ERC1: variants seen among roughly 807,000 people sequenced by gnomAD.
ERC1 encodes RAB6 interacting protein 2.
Under a neutral mutation model 132.0 loss-of-function variants are expected in ERC1, and 56 were observed. The ratio of observed to expected loss-of-function variants is 0.42; its 90% CI spans 0.34 to 0.53. The LOEUF is 0.53. ERC1 is among the 20% of genes least tolerant of loss of function. The probability of loss-of-function intolerance (pLI) is 0.03; values close to 1 mark genes in which losing one functional copy is unlikely to be tolerated. For synonymous variants in ERC1, 478 were observed against 476.1 expected (o/e 1.00, Z -0.05); for missense variants, 1,202 against 1,349.9 (o/e 0.89, Z 1.72).
At chr12:1,388,099 C>T (rs993171815) in intron 16 of ERC1, among the ~76,000 whole-genome samples, 3 of 152,190 alleles carry the variant, frequency 2.0e-5, no homozygotes, top group Admixed American at 6.5e-5. Flanking sequence ...TGGTGGCTCA[C>T]GCTTGTAATC....
intron 15 of ERC1, among the ~76,000 whole-genome samples, chr12:1,357,482 A>G (rs1380931716): frequency 6.6e-6 from 1 of 152,196 alleles, no homozygotes; most frequent in African/African-American, 2.4e-5. Flanking sequence ...CTAAATAAGC[A>G]GAAGCATTCT....
intron 1 of ERC1, among the ~76,000 whole-genome samples, chr12:1,007,534 C>CTG (rs1462934116): frequency 2.9e-5 from 2 of 68,532 alleles, no homozygotes; most frequent in African/African-American, 1.2e-4. Flanking sequence ...CTCTCTCTCT[C>CTG]TCTCTCTGTG....
chr12:1,189,897 G>C lies in ERC1; in HGVS notation c.2196G>C (p.Glu732Asp). 6.2e-7 allele frequency: 1 copy of C among 1,613,790 alleles called. No homozygotes were observed. Among genetic ancestry groups the C allele is most frequent in the South Asian group, 1.1e-5 (1 of 91,014 alleles). Residue 732 changes from glutamate (E) to aspartate (D), a missense_variant, in exon 12 of 19, where the codon GAG becomes GAC. Coordinates refer to ENST00000360905, the MANE Select transcript of ERC1 (RefSeq NM_178040.4). ...CATTGGAAGCCAGAGCCAGTCCAGA[G>C]ATGAGTGACCGAATACAGCACTTGG... ...EAALEARASP[E>D]MSDRIQHLER...
intron 1 of ERC1, among the ~76,000 whole-genome samples, chr12:1,024,150 G>A (rs776165367): frequency 6.6e-6 from 1 of 152,214 alleles, no homozygotes; most frequent in Non-Finnish European, 1.5e-5. Context: ...GGAGGCTGAG[G>A]CAGGCGAATC....
At chr12:1,301,699 G>A (rs763892958) in intron 15 of ERC1, among the ~76,000 whole-genome samples, 1 of 152,062 alleles carries the variant, frequency 6.6e-6, no homozygotes, top group African/African-American at 2.4e-5. Flanking sequence ...GAGAGGATCA[G>A]GAAAAATGAC....
At chr12:1,274,480 TTTTA>T (rs368234236) in intron 14 of ERC1, among the ~76,000 whole-genome samples, 74 of 150,126 alleles carry the variant, frequency 4.9e-4, no homozygotes, top group Non-Finnish European at 8.6e-4. Flanking sequence ...TTTTATTTTA[TTTTA>T]TTTATTTATT....
At chr12:1,308,807 T>C (rs1372786533) in intron 15 of ERC1, among the ~76,000 whole-genome samples, 1 of 152,212 alleles carries the variant, frequency 6.6e-6, no homozygotes, top group Non-Finnish European at 1.5e-5. Flanking sequence ...GTGCTGTGCT[T>C]TTAGTCACAG....
chr12:1,481,180 C>T (rs1409882741), intron 18 of ERC1, among the ~76,000 whole-genome samples: 1 of 152,150 alleles, frequency 6.6e-6, no homozygotes, highest in East Asian at 1.9e-4. Flanking sequence ...TCGCAGTTGA[C>T]TGAGGGTAAT....
intron 15 of ERC1, among the ~76,000 whole-genome samples, chr12:1,305,056 A>C (rs991551783): frequency 6.6e-6 from 1 of 152,102 alleles, no homozygotes; most frequent in South Asian, 2.1e-4. Flanking sequence ...CTGGGATTAC[A>C]GGCGTGAGCC....
At chr12:1,081,403 G>A (rs1942176481) in intron 2 of ERC1, among the ~76,000 whole-genome samples, 2 of 152,104 alleles carry the variant, frequency 1.3e-5, no homozygotes, top group African/African-American at 4.8e-5. Context: ...AAAAAACTTT[G>A]CTATATTATT....
chr12:1,220,693 A>G (rs1235041180), intron 12 of ERC1, among the ~76,000 whole-genome samples: 16 of 152,302 alleles, frequency 1.1e-4, no homozygotes, highest in South Asian at 6.2e-4. Context: ...TGGGTTTTAC[A>G]TTTTTCAAGG....
At chr12:1,063,020 A>C (rs1308514413) in intron 2 of ERC1, among the ~76,000 whole-genome samples, 3 of 151,902 alleles carry the variant, frequency 2.0e-5, no homozygotes, top group Admixed American at 2.0e-4. Context: ...CTACTCCTTC[A>C]TGCGTCTGGT....
intron 15 of ERC1, among the ~76,000 whole-genome samples, chr12:1,324,568 C>T (rs896280837): frequency 6.6e-6 from 1 of 152,024 alleles, no homozygotes; most frequent in African/African-American, 2.4e-5. Context: ...AGGGAGCATC[C>T]GAAACAAGGC....
intron 18 of ERC1, among the ~76,000 whole-genome samples, chr12:1,472,471 A>C (rs934100087): frequency 6.6e-6 from 1 of 152,124 alleles, no homozygotes; most frequent in Non-Finnish European, 1.5e-5. Flanking sequence ...CAACATAGTG[A>C]GACCTCCTCT....
intron 12 of ERC1, among the ~76,000 whole-genome samples, chr12:1,231,582 T>A (rs1314653725): frequency 2.0e-5 from 3 of 152,204 alleles, no homozygotes; most frequent in Admixed American, 6.5e-5. Flanking sequence ...CCTTTAGCAT[T>A]TCTTATAAGG....
intron 18 of ERC1, among the ~76,000 whole-genome samples, chr12:1,461,955 G>A (rs2093653683): frequency 6.6e-6 from 1 of 151,938 alleles, no homozygotes; most frequent in Non-Finnish European, 1.5e-5. Flanking sequence ...ATACACACAT[G>A]ACAAAGTACT....
At chr12:1,404,371 C>T (rs1299778375) in intron 16 of ERC1, among the ~76,000 whole-genome samples, 1 of 147,346 alleles carries the variant, frequency 6.8e-6, no homozygotes, top group Non-Finnish European at 1.5e-5. Flanking sequence ...ATCCTTTGAA[C>T]AACTACTGTT....
rs71055123 is a variant in ERC1 at position 1,010,510 on chromosome 12, A to AT, written c.-156-17221dup. On this transcript the variant is annotated intron_variant, in intron 1 of 18. Coordinates refer to ENST00000360905, the MANE Select transcript of ERC1 (RefSeq NM_178040.4). ...AAAAAAAAAAGAGAAAGGAAATATG[A>AT]TTTTTTTTTTTTTTTTTGACAGAGA... 1.9e-3 allele frequency among the ~76,000 whole-genome samples: 225 copies of AT among 118,382 alleles called. 2 individuals are homozygous for AT. In the East Asian group the frequency reaches 0.021, roughly 11 times the overall value. The allele number at this position is 118,382 out of a possible 152,430, so 77.7% of individuals were successfully genotyped here.
intron 15 of ERC1, among the ~76,000 whole-genome samples, chr12:1,370,939 C>G (rs1449763149): frequency 6.6e-6 from 1 of 152,170 alleles, no homozygotes; most frequent in South Asian, 2.1e-4. Flanking sequence ...TCTCAAATTC[C>G]TGGCCTCAAG....
Sources: allele counts gnomAD v4.1 joint callset (sites outside exome capture counted in the v4.1 genomes callset), GRCh38; gene constraint gnomAD v4.1.1; transcripts MANE v1.5; gene names NCBI Gene and HGNC (gene_info 2026-07-23, HGNC 2026-07-21).